The following EXOC4 variants were observed in gnomAD, a reference collection of about 807,000 sequenced individuals.
The protein encoded by EXOC4 is exocyst complex component 4, also known as SEC8-like 1.
EXOC4 carries 71 observed loss-of-function variants against 107.2 expected under a neutral mutation model. That is an observed-to-expected ratio of 0.66 (90% CI 0.55 to 0.81). EXOC4 has a LOEUF of 0.81. Ranked by LOEUF, EXOC4 falls within the 30% of genes least tolerant of loss-of-function variation. The pLI is 0.00. For synonymous variants in EXOC4, 456 were observed against 441.2 expected (o/e 1.03, Z -0.42); for missense variants, 1,108 against 1,189.6 (o/e 0.93, Z 1.01).
At chr7:133,423,509 TGTCAGTTTCC>T (rs546321526) in intron 7 of EXOC4, among the ~76,000 whole-genome samples, 1 of 152,252 alleles carries the variant, frequency 6.6e-6, no homozygotes, top group Non-Finnish European at 1.5e-5. Flanking sequence ...TGTAGACTTT[TGTCAGTTTCC>T]TTCCTGCTAA....
intron 11 of EXOC4, among the ~76,000 whole-genome samples, chr7:133,875,390 C>G (rs1335531544): frequency 6.6e-6 from 1 of 152,140 alleles, no homozygotes; most frequent in Admixed American, 6.5e-5. Context: ...TTGGCCTGTA[C>G]CTGTATGACA....
chr7:133,269,560 C>T (rs545013280), intron 1 of EXOC4, among the ~76,000 whole-genome samples: 4 of 152,296 alleles, frequency 2.6e-5, no homozygotes, highest in African/African-American at 9.6e-5. Context: ...TCACTTTCAC[C>T]TTCCTTTCCA....
chr7:133,762,273 ATC>A (rs1344973808), intron 10 of EXOC4, among the ~76,000 whole-genome samples: 1 of 152,164 alleles, frequency 6.6e-6, no homozygotes, highest in Non-Finnish European at 1.5e-5. Flanking sequence ...ACTATATTAT[ATC>A]TACAAAAGGG....
At chr7:133,295,528 C>G (rs560454619) in intron 3 of EXOC4, among the ~76,000 whole-genome samples, 2 of 152,080 alleles carry the variant, frequency 1.3e-5, no homozygotes, top group Non-Finnish European at 2.9e-5. Flanking sequence ...CACTGGGTAT[C>G]ATCACTAGAT....
intron 6 of EXOC4, among the ~76,000 whole-genome samples, chr7:133,372,524 T>TAA (rs1284629217): frequency 6.6e-6 from 1 of 151,840 alleles, no homozygotes; most frequent in African/African-American, 2.4e-5. Context: ...AATCTCATCT[T>TAA]ACACCTCTAT....
At chr7:133,266,859 T>A (rs1793741786) in intron 1 of EXOC4, among the ~76,000 whole-genome samples, 1 of 152,244 alleles carries the variant, frequency 6.6e-6, no homozygotes. Flanking sequence ...TTAGGACTAG[T>A]TCAAAATTTG....
chr7:133,428,503 T>G (rs1316402495), intron 7 of EXOC4, among the ~76,000 whole-genome samples: 1 of 152,224 alleles, frequency 6.6e-6, no homozygotes, highest in Non-Finnish European at 1.5e-5. Flanking sequence ...TCTGTGCTAA[T>G]ATTCTATTCT....
intron 2 of EXOC4, among the ~76,000 whole-genome samples, chr7:133,281,513 A>G (rs1794141431): frequency 6.6e-6 from 1 of 151,830 alleles, no homozygotes; most frequent in South Asian, 2.1e-4. Context: ...TAAAATTAAG[A>G]ATGATGTCGA....
chr7:133,419,618 G>T (rs1210560565), intron 7 of EXOC4, among the ~76,000 whole-genome samples: 1 of 151,922 alleles, frequency 6.6e-6, no homozygotes, highest in African/African-American at 2.4e-5. Flanking sequence ...TGTTTTAAGG[G>T]GATCATAGTC....
chr7:133,689,096 C>T (rs1013660084), intron 10 of EXOC4, among the ~76,000 whole-genome samples: 2 of 152,120 alleles, frequency 1.3e-5, no homozygotes, highest in African/African-American at 4.8e-5. Context: ...AACCAACACA[C>T]CCAGCAATTT....
intron 10 of EXOC4, among the ~76,000 whole-genome samples, chr7:133,757,566 G>T (rs1441818368): frequency 1.3e-5 from 2 of 152,194 alleles, no homozygotes; most frequent in East Asian, 3.9e-4. Flanking sequence ...TTAAATTATG[G>T]TGAAAAAAGG....
At chr7:133,923,533 C>T (rs1050588715) in intron 13 of EXOC4, among the ~76,000 whole-genome samples, 4 of 152,066 alleles carry the variant, frequency 2.6e-5, no homozygotes, top group Non-Finnish European at 5.9e-5. Flanking sequence ...TTTATGCACA[C>T]GTATTTATTG....
intron 7 of EXOC4, among the ~76,000 whole-genome samples, chr7:133,467,831 T>A (rs1469514566): frequency 6.6e-6 from 1 of 152,016 alleles, no homozygotes; most frequent in Non-Finnish European, 1.5e-5. Flanking sequence ...TCTTGAAGGC[T>A]TTTTTTGTTG....
chr7:133,338,750 T>A (rs13231113), intron 5 of EXOC4, among the ~76,000 whole-genome samples: 1 of 2,478 alleles, frequency 4.0e-4, no homozygotes, highest in Middle Eastern at 0.5. Context: ...GGTGTAGTCT[T>A]TTTTTTTTTT....
chr7:133,268,193 C>T (rs1288223320), intron 1 of EXOC4, among the ~76,000 whole-genome samples: 3 of 152,160 alleles, frequency 2.0e-5, no homozygotes, highest in Non-Finnish European at 4.4e-5. Context: ...AGTTAAGTCA[C>T]TTACCAAAGG....
intron 7 of EXOC4, among the ~76,000 whole-genome samples, chr7:133,406,179 G>A (rs1797212336): frequency 6.6e-6 from 1 of 152,156 alleles, no homozygotes; most frequent in Admixed American, 6.5e-5. Context: ...AGAGTAATTT[G>A]TAGAAAGTGA....
intron 11 of EXOC4, among the ~76,000 whole-genome samples, chr7:133,886,510 GT>G (rs146214879): frequency 1.3e-5 from 2 of 151,278 alleles, no homozygotes; most frequent in South Asian, 2.1e-4. Context: ...CCACAGCAAT[GT>G]TTTTTTTTAT....
intron 13 of EXOC4, among the ~76,000 whole-genome samples, chr7:133,926,216 T>C (rs541648877): frequency 1.3e-5 from 2 of 152,210 alleles, no homozygotes; most frequent in African/African-American, 4.8e-5. Flanking sequence ...GTAAATGACT[T>C]CCCCAAGTTC....
chr7:134,062,682 G>T (rs939492336), intron 17 of EXOC4, among the ~76,000 whole-genome samples: 2 of 151,644 alleles, frequency 1.3e-5, no homozygotes, highest in Admixed American at 6.6e-5. Context: ...AGCCTTCCTG[G>T]CTCAGAGTCT....
Sources: gnomAD v4.1 joint callset for allele counts (sites outside exome capture counted in the v4.1 genomes callset) on GRCh38, gnomAD v4.1.1 for gene constraint, MANE v1.5 for transcripts, NCBI Gene and HGNC (gene_info 2026-07-23, HGNC 2026-07-21) for gene names.